Variants in PTCHD4 observed in about 807,000 individuals in gnomAD.
The protein encoded by PTCHD4 is patched domain-containing protein 4.
A neutral mutation model predicts 58.1 loss-of-function variants in PTCHD4; 33 were observed. The ratio of observed to expected loss-of-function variants is 0.57; its 90% CI spans 0.43 to 0.76. The LOEUF (loss-of-function observed/expected upper bound fraction) is 0.76. Ranked by LOEUF, PTCHD4 falls within the 30% of genes least tolerant of loss-of-function variation. The pLI is 0.00. For missense variants in PTCHD4, 1,058 were observed against 1,027.1 expected (o/e 1.03, Z -0.41); for synonymous variants, 478 against 409.6 (o/e 1.17, Z -2.02).
At chr6:47,917,398 C>T (rs1159810059) in intron 4 of PTCHD4, among the ~76,000 whole-genome samples, 1 of 152,092 alleles carries the variant, frequency 6.6e-6, no homozygotes, top group Non-Finnish European at 1.5e-5. Flanking sequence ...GATGAAAATG[C>T]ATAATCAGCG....
At chr6:47,960,746 G>T (rs1365806450) in intron 4 of PTCHD4, among the ~76,000 whole-genome samples, 1 of 151,468 alleles carries the variant, frequency 6.6e-6, no homozygotes, top group Non-Finnish European at 1.5e-5. Flanking sequence ...TAATTAGAAA[G>T]ACAAAATAAT....
At chr6:48,108,558 A>T (rs1032833948) in intron 1 of PTCHD4, among the ~76,000 whole-genome samples, 1 of 152,142 alleles carries the variant, frequency 6.6e-6, no homozygotes, top group Non-Finnish European at 1.5e-5. Flanking sequence ...CATATGTAAC[A>T]AACCTGCACG....
At chr6:47,883,666 CA>C (rs1237120029) in intron 4 of PTCHD4, among the ~76,000 whole-genome samples, 1 of 151,926 alleles carries the variant, frequency 6.6e-6, no homozygotes, top group Non-Finnish European at 1.5e-5. Context: ...CAGGGTTTCC[CA>C]ACTGGGCACT....
chr6:48,045,079 A>G (rs544139455), intron 3 of PTCHD4, among the ~76,000 whole-genome samples: 3 of 151,948 alleles, frequency 2.0e-5, no homozygotes, highest in Admixed American at 6.6e-5. Flanking sequence ...AATGGTTATT[A>G]TAAGTTGTCA....
chr6:48,049,416 A>G (rs536048868), intron 3 of PTCHD4, among the ~76,000 whole-genome samples: 96 of 152,082 alleles, frequency 6.3e-4, no homozygotes, highest in African/African-American at 2.0e-3. Context: ...GTCTTTAATT[A>G]GCCTACCTTG....
intron 4 of PTCHD4, among the ~76,000 whole-genome samples, chr6:48,002,464 G>T (rs1024029941): frequency 6.6e-6 from 1 of 151,978 alleles, no homozygotes; most frequent in Non-Finnish European, 1.5e-5. Context: ...TTGTAGGGAC[G>T]TGGGTGAAGC....
At chr6:47,988,024 G>A (rs113125891) in intron 4 of PTCHD4, among the ~76,000 whole-genome samples, 71 of 152,210 alleles carry the variant, frequency 4.7e-4, no homozygotes, top group East Asian at 7.7e-4. Context: ...TGATCTGCCC[G>A]CCTTGGCCTC....
At chr6:47,929,669 G>T (rs1324207969) in intron 4 of PTCHD4, among the ~76,000 whole-genome samples, 1 of 152,200 alleles carries the variant, frequency 6.6e-6, no homozygotes, top group Non-Finnish European at 1.5e-5. Context: ...TAAAAAGTTT[G>T]AATCATTGCC....
chr6:47,882,731 T>G, intron 4 of PTCHD4, among the ~76,000 whole-genome samples: 1 of 146,488 alleles, frequency 6.8e-6, no homozygotes. Context: ...CCATTTCTAA[T>G]GATTCCAGTG....
intron 4 of PTCHD4, among the ~76,000 whole-genome samples, chr6:47,977,153 T>A (rs1032842671): frequency 6.6e-6 from 1 of 152,144 alleles, no homozygotes; most frequent in African/African-American, 2.4e-5. Context: ...AGAAGTTAAG[T>A]AATGGTTATA....
At chr6:48,108,315 G>A (rs1302060073) in intron 1 of PTCHD4, among the ~76,000 whole-genome samples, 3 of 152,060 alleles carry the variant, frequency 2.0e-5, no homozygotes, top group African/African-American at 7.2e-5. Context: ...CATGGATGAA[G>A]CTGGAAACCA....
chr6:47,878,841 A>G lies in PTCHD4; in HGVS notation c.1994T>C (p.Val665Ala). 1 of 1,613,760 alleles carries G rather than the reference A, an allele frequency of 6.2e-7. No homozygotes were observed. Among genetic ancestry groups the G allele is most frequent in the Non-Finnish European group, 8.5e-7 (1 of 1,179,794 alleles). ...AAAAGTCAGGATTAACACCAGGAGA[A>G]CACCAAAGCCTGCAATCAGAACAGG... ...TVPVLIAGFG[V>A]LLVLILTFFL... The change falls in exon 5 of 5, where the codon GTT becomes GCT. Residue 665 changes from valine to alanine, a missense_variant. Coordinates refer to ENST00000339488, the MANE Select transcript of PTCHD4 (RefSeq NM_001384253.1).
Position 48,009,075 on chromosome 6 carries a change from C to A in PTCHD4, c.457G>T (p.Val153Leu). The A allele has an allele frequency of 6.2e-7, 1 of 1,613,518 alleles. No individual in the cohort carries two copies. The highest frequency in any genetic ancestry group is 2.2e-5 in the East Asian group (1 of 44,854). ...TCTTTGCTGTTTGGCACTTCCACTA[C>A]CCCGCCCAGTTGGTGTCCAATAAAA... ...NSFIGHQLGG[V>L]VEVPNSKDQR... The change falls in exon 4 of 5, where the codon GTA becomes TTA. Residue 153 changes from valine (V) to leucine (L), a missense_variant. Transcript: ENST00000339488.
intron 1 of PTCHD4, among the ~76,000 whole-genome samples, chr6:48,088,269 A>G (rs1280573281): frequency 1.3e-5 from 2 of 152,180 alleles, no homozygotes; most frequent in Non-Finnish European, 2.9e-5. Context: ...CTAAATCAGA[A>G]CTGATTAATT....
chr6:48,088,755 G>C (rs538198890), intron 1 of PTCHD4, among the ~76,000 whole-genome samples: 45 of 152,182 alleles, frequency 3.0e-4, no homozygotes, highest in African/African-American at 1.1e-3. Flanking sequence ...TTAAAGGAAT[G>C]GGGGATGGCC....
At chr6:48,043,482 C>T (rs1763919800) in intron 3 of PTCHD4, among the ~76,000 whole-genome samples, 1 of 151,940 alleles carries the variant, frequency 6.6e-6, no homozygotes, top group Non-Finnish European at 1.5e-5. Flanking sequence ...TCTGTTATCT[C>T]ACTATTTTTT....
intron 4 of PTCHD4, among the ~76,000 whole-genome samples, chr6:48,002,253 A>C (rs939530228): frequency 4.6e-5 from 7 of 152,206 alleles, no homozygotes; most frequent in African/African-American, 1.7e-4. Context: ...CAGCCATCCC[A>C]TTAGTGGGTA....
Position 47,878,522 on chromosome 6 carries a change from T to C in PTCHD4, c.2313A>G (p.Leu771=). 1 of 1,613,368 alleles carries C rather than the reference T, an allele frequency of 6.2e-7. No individual in the cohort carries two copies. Among genetic ancestry groups the C allele is most frequent in the South Asian group, 1.1e-5 (1 of 91,066 alleles). Residue 771 remains leucine, a synonymous_variant, in exon 5 of 5, where the codon CTA becomes CTG. Transcript: ENST00000339488. ...TGAAGGTCAGGTTCGAAGGCACAAA[T>C]AGAAGGGGGACTAACCCAATAAGAA... is the stretch of plus-strand genomic sequence containing the variant. ...TSFLIGLVPL[L]FVPSNLTFTL...
intron 3 of PTCHD4, among the ~76,000 whole-genome samples, chr6:48,046,120 GA>G (rs554281468): frequency 4.7e-4 from 71 of 151,900 alleles, no homozygotes; most frequent in South Asian, 3.9e-3. Flanking sequence ...TTACTTAGGA[GA>G]ACAAATCAGA....
Sources: gnomAD v4.1 joint callset for allele counts (sites outside exome capture counted in the v4.1 genomes callset) on GRCh38, gnomAD v4.1.1 for gene constraint, MANE v1.5 for transcripts, NCBI Gene and HGNC (gene_info 2026-07-23, HGNC 2026-07-21) for gene names.